Variants in NRF1 observed in about 807,000 individuals in gnomAD.
NRF1 encodes alpha palindromic-binding protein.
Under a neutral mutation model 58.5 loss-of-function variants are expected in NRF1, and 5 were observed. That is an observed-to-expected ratio of 0.09 (90% CI 0.04 to 0.18). The LOEUF is 0.18. Among genes scored for constraint, NRF1 ranks in the 10% least tolerant of loss-of-function variants. NRF1 has a pLI of 1.00. For missense variants in NRF1, 288 were observed against 657.7 expected, an observed-to-expected ratio of 0.44 and a Z score of 6.15; for synonymous variants, 224 against 246.7, an observed-to-expected ratio of 0.91 and a Z score of 0.86.
intron 3 of NRF1, among the ~76,000 whole-genome samples, chr7:129,675,752 T>G (rs1051237605): frequency 4.6e-5 from 7 of 152,162 alleles, no homozygotes; most frequent in African/African-American, 1.7e-4. Context: ...CCATCCAGGT[T>G]TTATTGTTCT....
intron 2 of NRF1, among the ~76,000 whole-genome samples, chr7:129,662,083 C>G (rs960141230): frequency 2.8e-4 from 42 of 150,366 alleles, no homozygotes; most frequent in Admixed American, 9.9e-4. Flanking sequence ...GACTTATTCA[C>G]TATCACAAGA....
At chr7:129,664,017 C>T (rs867042720) in intron 2 of NRF1, among the ~76,000 whole-genome samples, 46 of 151,856 alleles carry the variant, frequency 3.0e-4, no homozygotes, top group African/African-American at 1.0e-3. Context: ...CCCAGGCACT[C>T]GCCAGGCCGA....
chr7:129,710,330 A>T (rs3736626), intron 6 of NRF1, 44 bp from the exon 7 acceptor site: 8 of 1,590,080 alleles, frequency 5.0e-6, no homozygotes, highest in South Asian at 4.4e-5. Flanking sequence ...AAATAACCAA[A>T]GTTCTTTGTG....
At chr7:129,657,255 C>T in intron 1 of NRF1, 91 bp from the exon 2 acceptor site, 3 of 929,992 alleles carry the variant, frequency 3.2e-6, no homozygotes, top group Non-Finnish European at 5.0e-6. Flanking sequence ...TGTCAAGGTT[C>T]CTCTGCTCTT....
intron 1 of NRF1, among the ~76,000 whole-genome samples, chr7:129,653,843 T>C (rs1005051900): frequency 1.3e-5 from 2 of 152,226 alleles, no homozygotes; most frequent in African/African-American, 4.8e-5. Context: ...GATATTCTAT[T>C]GTCTGGATGT....
intron 8 of NRF1, among the ~76,000 whole-genome samples, chr7:129,716,400 G>C (rs1803189864): frequency 6.6e-6 from 1 of 151,874 alleles, no homozygotes; most frequent in Non-Finnish European, 1.5e-5. Context: ...TTGAAATTTT[G>C]GTATAGTTTG....
chr7:129,695,875 A>G (rs1802680814), intron 5 of NRF1, among the ~76,000 whole-genome samples: 1 of 151,648 alleles, frequency 6.6e-6, no homozygotes, highest in Non-Finnish European at 1.5e-5. Context: ...TTGCTTTTAT[A>G]ATAGAAATAC....
chr7:129,719,115 A>G (rs1481403272), intron 9 of NRF1, among the ~76,000 whole-genome samples: 1 of 152,072 alleles, frequency 6.6e-6, no homozygotes, highest in Non-Finnish European at 1.5e-5. Flanking sequence ...TGAAGTAGTA[A>G]GAATGGAGGT....
chr7:129,652,557 C>T, intron 1 of NRF1, among the ~76,000 whole-genome samples: 1 of 152,070 alleles, frequency 6.6e-6, no homozygotes, highest in Non-Finnish European at 1.5e-5. Context: ...TATTATTCTC[C>T]TGTAAGATTA....
In NRF1 at chr7:129,671,477, G is replaced by A; in HGVS notation, c.272G>A (p.Arg91Gln). ...AAAAVATGKKRKRPHVFESNP... is the reference protein window; with the variant it reads ...AAAAVATGKKQKRPHVFESNP... ...GCTGCTGTGGCAACAGGAAAGAAAC[G>A]GAAACGGCCTCATGTATTTGAGTCT... The change falls in exon 3 of 11, where the codon CGG becomes CAG. Residue 91 changes from arginine (R) to glutamine (Q), a missense_variant. This residue lies in a region of NRF1 where 212 missense variants were observed against 559.7 expected (regional missense o/e 0.38). Transcript: ENST00000393232. 1 of 1,614,088 alleles carries A rather than the reference G, an allele frequency of 6.2e-7. No individual in the cohort carries two copies.
intron 5 of NRF1, among the ~76,000 whole-genome samples, chr7:129,704,979 A>T (rs77325170): frequency 0.054 from 8,063 of 149,502 alleles, 287 homozygotes; most frequent in Non-Finnish European, 0.075. Flanking sequence ...CTACTTTTTT[A>T]AAAAAAAAGA....
intron 4 of NRF1, among the ~76,000 whole-genome samples, chr7:129,681,394 G>C (rs1254473867): frequency 6.6e-6 from 1 of 152,186 alleles, no homozygotes; most frequent in Non-Finnish European, 1.5e-5. Context: ...TGTGAACTAT[G>C]TATCAGTAAA....
At chr7:129,696,074 A>AC (rs1362634898) in intron 5 of NRF1, among the ~76,000 whole-genome samples, 3 of 142,874 alleles carry the variant, frequency 2.1e-5, no homozygotes, top group South Asian at 2.3e-4. Flanking sequence ...AAAAAAAAAA[A>AC]AAAAAAAAAA....
chr7:129,668,869 T>G (rs181219027), intron 2 of NRF1, among the ~76,000 whole-genome samples: 1 of 152,336 alleles, frequency 6.6e-6, no homozygotes, highest in East Asian at 1.9e-4. Flanking sequence ...GGGAATTGAC[T>G]GAGAAGGGAC....
At chr7:129,647,451 G>A (rs1249902630) in intron 1 of NRF1, among the ~76,000 whole-genome samples, 2 of 144,156 alleles carry the variant, frequency 1.4e-5, no homozygotes, top group Admixed American at 1.4e-4. Flanking sequence ...TGCCCAGGCT[G>A]GAGTGCAGTG....
chr7:129,738,688 ATCT>A (rs750163672), intron 10 of NRF1, among the ~76,000 whole-genome samples: 6 of 152,258 alleles, frequency 3.9e-5, no homozygotes, highest in South Asian at 4.1e-4. Flanking sequence ...TGCCACCATC[ATCT>A]TCTTGCAAAT....
At chr7:129,641,032 A>G (rs1801277062) in intron 1 of NRF1, among the ~76,000 whole-genome samples, 2 of 152,070 alleles carry the variant, frequency 1.3e-5, no homozygotes, top group Admixed American at 1.3e-4. Flanking sequence ...ATGAATAACC[A>G]TAAGCCTCCT....
intron 1 of NRF1, among the ~76,000 whole-genome samples, chr7:129,652,981 C>T (rs1368828877): frequency 1.3e-5 from 2 of 152,120 alleles, no homozygotes; most frequent in South Asian, 2.1e-4. Flanking sequence ...AATAAATTTA[C>T]CATCATAATC....
chr7:129,720,221 G>A (rs534251159), intron 9 of NRF1, among the ~76,000 whole-genome samples: 8 of 152,298 alleles, frequency 5.3e-5, no homozygotes, highest in African/African-American at 1.9e-4. Flanking sequence ...TGGGGATGAA[G>A]AAACCAAGCC....
Sources: allele counts gnomAD v4.1 joint callset (sites outside exome capture counted in the v4.1 genomes callset), GRCh38; gene constraint gnomAD v4.1.1; regional missense constraint gnomAD v4.1.1; transcripts MANE v1.5; gene names NCBI Gene and HGNC (gene_info 2026-07-23, HGNC 2026-07-21).